The following C9orf57 variants were observed in gnomAD, a reference collection of about 807,000 sequenced individuals.
C9orf57 encodes chromosome 9 open reading frame 57, also known as uncharacterized protein C9orf57.
C9orf57 carries 12 observed loss-of-function variants against 12.9 expected under a neutral mutation model. The observed-to-expected ratio is 0.93, with a 90% CI of 0.60 to 1.51. The LOEUF is 1.51. Ranked by LOEUF, C9orf57 falls within the 40% of genes most tolerant of loss-of-function variation. The probability of loss-of-function intolerance (pLI) is 0.00; values close to 1 mark genes in which losing one functional copy is unlikely to be tolerated. For synonymous variants in C9orf57, 49 were observed against 57.1 expected, an observed-to-expected ratio of 0.86 and a Z score of 0.64; for missense variants, 141 against 162.8, an observed-to-expected ratio of 0.87 and a Z score of 0.73.
chr9:72,060,235 C>T (rs1025346873), intron 1 of C9orf57, among the ~76,000 whole-genome samples: 3 of 152,006 alleles, frequency 2.0e-5, no homozygotes, highest in South Asian at 4.1e-4. Context: ...TTAGTAAAGA[C>T]GGGGTTTCAC....
intron 2 of C9orf57, among the ~76,000 whole-genome samples, chr9:72,059,002 C>T (rs1004114733): frequency 6.6e-6 from 1 of 152,030 alleles, no homozygotes; most frequent in Non-Finnish European, 1.5e-5. Flanking sequence ...CTCAGCCTCC[C>T]GAGTAGCTAG....
rs748648494 is a variant in C9orf57, at chr9:72,060,556, T to C, written c.-113A>G. ...CTGGGTCTGAACTTTCTTAAAAGGA[T>C]GAGAACGAGTACAATTTGTGATGTG... On this transcript the variant is annotated 5_prime_UTR_variant, in exon 1 of 5. Transcript: ENST00000651200. The C allele has an allele frequency of 6.5e-7, 1 of 1,548,834 alleles. No individual in the cohort carries two copies. The highest frequency in any genetic ancestry group is 1.2e-5 in the South Asian group (1 of 83,832).
chr9:72,051,921 C>T lies in C9orf57; in HGVS notation c.*375G>A, dbSNP rs1016408899. 21 of 190,354 alleles carry T rather than the reference C, an allele frequency of 1.1e-4. No individual in the cohort carries two copies. The highest frequency in any genetic ancestry group is 4.5e-4 in the African/African-American group (19 of 42,302). 11.8% of individuals were successfully genotyped at this position (190,354 alleles called of 1,614,324 possible). ...TCAGGTCACTTGCTGTCTTGTGAAA[C>T]ATTTGTAACCATATTTTGGAGTATG... On this transcript the variant is annotated 3_prime_UTR_variant, in exon 5 of 5. Coordinates refer to ENST00000651200, the MANE Select transcript of C9orf57 (RefSeq NM_001128618.2).
rs1824274446 is a variant in C9orf57, at chr9:72,059,225, A to C, written c.97+10T>G. 1.9e-6 allele frequency: 3 copies of C among 1,551,612 alleles called. No individual in the cohort carries two copies. Among genetic ancestry groups the C allele is most frequent in the Non-Finnish European group, 2.6e-6 (3 of 1,146,978 alleles). On this transcript the variant is annotated intron_variant, in intron 2 of 4. Transcript: ENST00000651200. The stretch of plus-strand genomic sequence containing the variant: ...CTATCCTTTTAACTTATGCTTTCCT[A>C]ATGACTTACCACCTAAGCGGCCGAA...
chr9:72,053,763 G>C (rs1564121573), intron 4 of C9orf57, among the ~76,000 whole-genome samples: 1 of 152,046 alleles, frequency 6.6e-6, no homozygotes, highest in Non-Finnish European at 1.5e-5. Flanking sequence ...TCTAATTTTT[G>C]TTCTTCCCTT....
At position 72,052,343 on chromosome 9, in the gene C9orf57, C is replaced by T; in HGVS notation, c.373G>A (p.Glu125Lys). The T allele has an allele frequency of 6.4e-7, 1 of 1,551,826 alleles. No individual in the cohort carries two copies. The highest frequency in any genetic ancestry group is 8.7e-7 in the Non-Finnish European group (1 of 1,147,010). ...TTGCAGCAGTGAGTAGTTACAAGTTCATGCAGTTGCAGAATTCTCTTGACG... is the reference window on the plus strand; with the variant it reads ...TTGCAGCAGTGAGTAGTTACAAGTTTATGCAGTTGCAGAATTCTCTTGACG... ...TLVKRILQLH[E>K]LVTTHCCNHS... Residue 125 changes from glutamate (E) to lysine (K), a missense_variant, in exon 5 of 5, where the codon GAA becomes AAA. By Grantham distance (56) the Glu-to-Lys change is moderately conservative. Transcript: ENST00000651200.
chr9:72,057,738 T>G (rs1419484571), intron 2 of C9orf57, among the ~76,000 whole-genome samples: 1 of 152,198 alleles, frequency 6.6e-6, no homozygotes, highest in South Asian at 2.1e-4. Flanking sequence ...ACATATTCAC[T>G]GTTAGGGCTT....
intron 4 of C9orf57, among the ~76,000 whole-genome samples, chr9:72,054,878 G>A (rs1347187872): frequency 3.6e-5 from 5 of 139,664 alleles, no homozygotes; most frequent in African/African-American, 1.3e-4. Context: ...ATATTCAAAT[G>A]TATTCATTAT....
chr9:72,060,592 T>C lies in C9orf57; in HGVS notation c.-149A>G, dbSNP rs1411418236. Reference sequence around the variant, plus strand: ...ACAATTTGTGATGTGATGAAGTCCGTTACAACTGAAAGCGACACTCTGATC... The same window carrying C: ...ACAATTTGTGATGTGATGAAGTCCGCTACAACTGAAAGCGACACTCTGATC... On this transcript the variant is annotated 5_prime_UTR_variant, in exon 1 of 5. Transcript: ENST00000651200. 6.5e-7 allele frequency: 1 copy of C among 1,528,516 alleles called. No individual in the cohort carries two copies. The highest frequency in any genetic ancestry group is 8.8e-7 in the Non-Finnish European group (1 of 1,131,912). 94.7% of individuals were successfully genotyped at this position (1,528,516 alleles called of 1,614,324 possible).
intron 4 of C9orf57, among the ~76,000 whole-genome samples, chr9:72,054,090 C>T (rs1824137998): frequency 6.6e-6 from 1 of 152,232 alleles, no homozygotes. Flanking sequence ...CCTCCACCTC[C>T]CGGGTTCAAG....
intron 4 of C9orf57, among the ~76,000 whole-genome samples, chr9:72,055,651 T>G (rs1824182800): frequency 6.6e-6 from 1 of 152,088 alleles, no homozygotes; most frequent in African/African-American, 2.4e-5. Context: ...GTTTCATTAT[T>G]TGGATTTTTA....
At chr9:72,054,950 A>T (rs1443033832) in intron 4 of C9orf57, among the ~76,000 whole-genome samples, 4 of 87,642 alleles carry the variant, frequency 4.6e-5, no homozygotes, top group Non-Finnish European at 6.4e-5. Context: ...ACAATGTCTT[A>T]CTCTTGTCAC....
intron 1 of C9orf57, 90 bp downstream of exon 1, chr9:72,060,407 G>A (rs558239445): frequency 2.8e-6 from 2 of 706,572 alleles, no homozygotes; most frequent in East Asian, 2.7e-5. Flanking sequence ...AGCATTATGT[G>A]ATAGTTAACG....
Position 72,056,132 on chromosome 9 carries a change from G to T in C9orf57, c.222C>A (p.Asp74Glu). The part of the protein sequence containing the change: ...LSLPFHGCLL[D>E]LGTCQAEPGQ... The stretch of plus-strand genomic sequence containing the variant: ...CAGGTTCTGCCTGGCAGGTTCCCAG[G>T]TCTAAAAGACATCCATGGAAGGGCA... The change falls in exon 4 of 5, where the codon GAC becomes GAA. Residue 74 changes from aspartate (D) to glutamate (E), a missense_variant. By Grantham distance (45) the Asp-to-Glu change is conservative. Coordinates refer to ENST00000651200, the MANE Select transcript of C9orf57 (RefSeq NM_001128618.2). 3 of 1,550,998 alleles carry T rather than the reference G, an allele frequency of 1.9e-6. No homozygotes were observed. The highest frequency in any genetic ancestry group is 2.6e-6 in the Non-Finnish European group (3 of 1,146,586).
intron 3 of C9orf57, 48 bp from the exon 4 acceptor site, chr9:72,056,244 A>G: frequency 6.7e-7 from 1 of 1,486,186 alleles, no homozygotes; most frequent in Non-Finnish European, 9.0e-7. Flanking sequence ...TAGATACGAG[A>G]GAGAAAACGA....
At position 72,052,152 on chromosome 9, in the gene C9orf57, C is replaced by A; in HGVS notation, c.*144G>T. On this transcript the variant is annotated 3_prime_UTR_variant, in exon 5 of 5. Coordinates refer to ENST00000651200, the MANE Select transcript of C9orf57 (RefSeq NM_001128618.2). ...TATTGGGAATATTGAAAACCAAAGTCAATTTCAGATCAAAATTCCTTCTAC... is the reference window on the plus strand; with the variant it reads ...TATTGGGAATATTGAAAACCAAAGTAAATTTCAGATCAAAATTCCTTCTAC... 1.1e-6 allele frequency: 1 copy of A among 877,272 alleles called. No individual in the cohort carries two copies. The highest frequency in any genetic ancestry group is 2.8e-5 in the East Asian group (1 of 35,462). 54.3% of individuals were successfully genotyped at this position (877,272 alleles called of 1,614,324 possible).
At chr9:72,054,552 T>C (rs1408740032) in intron 4 of C9orf57, among the ~76,000 whole-genome samples, 1 of 152,128 alleles carries the variant, frequency 6.6e-6, no homozygotes, top group East Asian at 1.9e-4. Context: ...ATAAAACTTT[T>C]ATGTTTTTTA....
chr9:72,058,770 G>A (rs1015424364), intron 2 of C9orf57, among the ~76,000 whole-genome samples: 9 of 152,158 alleles, frequency 5.9e-5, no homozygotes, highest in Admixed American at 5.9e-4. Flanking sequence ...ATTAACCTTT[G>A]TTGATGATTT....
Position 72,055,181 on chromosome 9 carries a change from C to T in C9orf57, c.280+893G>A, listed in dbSNP as rs188053390. On this transcript the variant is annotated intron_variant, in intron 4 of 4. Coordinates refer to ENST00000651200, the MANE Select transcript of C9orf57 (RefSeq NM_001128618.2). ...TGAACTCTTGAGTTCAAGCAATCCA[C>T]GCACCTCTGCCTTCTAAAGTGCTAG... 1.7e-3 allele frequency among the ~76,000 whole-genome samples: 264 copies of T among 151,922 alleles called. 1 individual carries two copies. Among genetic ancestry groups the T allele is most frequent in the South Asian group, 0.015 (70 of 4,808 alleles).
Sources: allele counts gnomAD v4.1 joint callset (sites outside exome capture counted in the v4.1 genomes callset), GRCh38; gene constraint gnomAD v4.1.1; transcripts MANE v1.5; gene names NCBI Gene and HGNC (gene_info 2026-07-23, HGNC 2026-07-21).